The following DNAH3 variants were observed in gnomAD, a reference collection of about 807,000 sequenced individuals.
DNAH3 encodes the protein dynein axonemal heavy chain 3.
Under a neutral mutation model 432.5 loss-of-function variants are expected in DNAH3, and 332 were observed. That is an observed-to-expected ratio of 0.77 (90% CI 0.70 to 0.84). DNAH3 has a LOEUF of 0.84. Ranked by LOEUF, DNAH3 falls within the 40% of genes least tolerant of loss-of-function variation. The pLI, the probability that DNAH3 is intolerant of heterozygous loss-of-function variation, is 0.00. For missense variants in DNAH3, 4,861 were observed against 5,114.0 expected (o/e 0.95, Z 1.51); for synonymous variants, 1,956 against 1,900.2 (o/e 1.03, Z -0.76).
At chr16:21,128,414 G>C (rs905445284) in intron 7 of DNAH3, among the ~76,000 whole-genome samples, 1 of 133,814 alleles carries the variant, frequency 7.5e-6, no homozygotes, top group African/African-American at 2.9e-5. Context: ...AACAAAAAAG[G>C]CCGGGCGCGG....
chr16:20,965,229 G>A lies in DNAH3; in HGVS notation c.8655C>T (p.Cys2885=), dbSNP rs149030165. ...ACACCTCCATGGCCCTCACCCACTTGCACAGACCCTCGCAGGCCGACGATA... is the reference window on the plus strand; with the variant it reads ...ACACCTCCATGGCCCTCACCCACTTACACAGACCCTCGCAGGCCGACGATA... Residue 2885 remains cysteine, a synonymous_variant, in exon 53 of 62, where the codon TGC becomes TGT. Coordinates refer to ENST00000261383, the Ensembl canonical transcript of DNAH3. 287 of 1,613,522 alleles carry A rather than the reference G, an allele frequency of 1.8e-4. No individual in the cohort carries two copies. The highest frequency in any genetic ancestry group is 1.8e-4 in the Non-Finnish European group (215 of 1,179,724).
At chr16:20,982,978 A>C in intron 48 of DNAH3, 92 bp from the exon 49 acceptor site, 1 of 1,446,788 alleles carries the variant, frequency 6.9e-7, no homozygotes, top group South Asian at 1.2e-5. Flanking sequence ...TGGTGGGGTA[A>C]GTGGGGGCAG....
chr16:21,072,379 T>C (rs8049844), intron 21 of DNAH3, among the ~76,000 whole-genome samples: 1 of 151,946 alleles, frequency 6.6e-6, no homozygotes, highest in South Asian at 2.1e-4. Context: ...CAGGCTGGAG[T>C]GCAGTGGCAT....
intron 44 of DNAH3, among the ~76,000 whole-genome samples, chr16:20,994,108 A>G (rs1470568551): frequency 6.6e-6 from 1 of 151,814 alleles, no homozygotes; most frequent in Non-Finnish European, 1.5e-5. Flanking sequence ...TTTTCTCTCA[A>G]ATCCTTTTAA....
intron 58 of DNAH3, among the ~76,000 whole-genome samples, 200 bp downstream of exon 58, chr16:20,944,296 T>A (rs2083946238): frequency 6.6e-6 from 1 of 152,084 alleles, no homozygotes; most frequent in Admixed American, 6.5e-5. Context: ...ATAGCTGACA[T>A]TTTGGAAACA....
chr16:21,037,702 C>T (rs766755116), intron 34 of DNAH3, 59 bp downstream of exon 34: 5 of 1,492,702 alleles, frequency 3.3e-6, no homozygotes, highest in Non-Finnish European at 4.6e-6. Context: ...CCAAACACAA[C>T]ATTTCATCTT....
chr16:21,036,685 G>T lies in DNAH3; in HGVS notation c.5085+29C>A, dbSNP rs774535680. ...GCTGACTTCAGCAAACAGTAAAACA[G>T]GCACATTTATATGGGCTAAGGAACC... On this transcript the variant is annotated intron_variant, in intron 35 of 61. Transcript: ENST00000261383. 4 of 1,603,778 alleles carry T rather than the reference G, an allele frequency of 2.5e-6. No individual in the cohort carries two copies. The Admixed American group carries it at 6.9e-5, about 28-fold the overall frequency.
At chr16:20,959,055 A>G in intron 54 of DNAH3, 124 bp downstream of exon 54, 1 of 991,402 alleles carries the variant, frequency 1.0e-6, no homozygotes, top group Non-Finnish European at 1.5e-6. Context: ...GACATGAGCC[A>G]CCCTGCCTGG....
At chr16:20,963,889 G>A in exon 53 of DNAH3, 1 of 1,614,110 alleles carries the variant, frequency 6.2e-7, no homozygotes, top group Non-Finnish European at 8.5e-7. Context: ...GTGGGTCAAG[G>A]AATGCATGTA....
intron 1 of DNAH3, among the ~76,000 whole-genome samples, chr16:21,149,466 C>G (rs1567878783): frequency 6.6e-6 from 1 of 152,190 alleles, no homozygotes; most frequent in Non-Finnish European, 1.5e-5. Context: ...GTAGAACTGT[C>G]ACTTTGGGCA....
chr16:21,107,364 C>T (rs1052131247), intron 14 of DNAH3, among the ~76,000 whole-genome samples: 4 of 151,494 alleles, frequency 2.6e-5, no homozygotes, highest in East Asian at 1.9e-4. Context: ...CTCAGCCTCC[C>T]GAGTAGCTGG....
At chr16:20,989,910 C>T (rs1414859394) in intron 44 of DNAH3, among the ~76,000 whole-genome samples, 6 of 152,226 alleles carry the variant, frequency 3.9e-5, no homozygotes, top group African/African-American at 1.4e-4. Context: ...TGCCCGGGGC[C>T]GGCAGGGCCG....
At chr16:21,125,508 T>C in intron 8 of DNAH3, 138 bp from the exon 10 acceptor site, 1 of 563,802 alleles carries the variant, frequency 1.8e-6, no homozygotes, top group Non-Finnish European at 2.9e-6. Context: ...GTACTTTCAA[T>C]TTCCAGCCAC....
In DNAH3 at chr16:21,134,135, A is replaced by T. The variant is rs887299594; in HGVS notation, c.1082+124T>A. ...TAATTCACATGCATATTTGGCCTAG[A>T]TTTTTTTTTCTTTCATTTCTCTATG... On this transcript the variant is annotated intron_variant, in intron 7 of 61. Transcript: ENST00000261383. 1.1e-5 allele frequency: 11 copies of T among 980,762 alleles called. No homozygotes were observed. The African/African-American group carries it at 1.8e-4, about 16-fold the overall frequency. 60.8% of individuals were successfully genotyped at this position (980,762 alleles called of 1,614,324 possible).
intron 16 of DNAH3, chr16:21,104,127 G>C: frequency 4.6e-6 from 1 of 217,274 alleles, no homozygotes; most frequent in Non-Finnish European, 9.3e-6. Flanking sequence ...ATATCTTACA[G>C]ATCTGTGGTC....
chr16:21,124,947 C>T (rs1214944412), intron 9 of DNAH3, among the ~76,000 whole-genome samples: 1 of 149,966 alleles, frequency 6.7e-6, no homozygotes, highest in African/African-American at 2.5e-5. Flanking sequence ...GTAATGCACC[C>T]GGCCACATTT....
chr16:21,062,695 C>A lies in DNAH3; in HGVS notation c.3519-12G>T, dbSNP rs1373267739. On this transcript the variant is annotated splice_polypyrimidine_tract_variant and intron_variant, in intron 24 of 61. Transcript: ENST00000261383. ...ATAGGAAGAAGAATCTATTTCAAAG[C>A]AAAGAAAGATGGTAACTGGAACCTC... The A allele has an allele frequency of 1.2e-6, 2 of 1,604,568 alleles. No individual in the cohort carries two copies. Among genetic ancestry groups the A allele is most frequent in the East Asian group, 4.5e-5 (2 of 44,710 alleles).
chr16:21,152,898 G>A (rs994816170), intron 1 of DNAH3, among the ~76,000 whole-genome samples: 137 of 152,342 alleles, frequency 9.0e-4, no homozygotes, highest in Non-Finnish European at 1.6e-3. Context: ...GTGGGCTCCT[G>A]TGCTGCCCGA....
intron 35 of DNAH3, among the ~76,000 whole-genome samples, chr16:21,034,861 A>G (rs2089082943): frequency 6.6e-6 from 1 of 152,256 alleles, no homozygotes; most frequent in African/African-American, 2.4e-5. Context: ...TGGGTGCTGT[A>G]GACAGAGCAG....
Sources: allele counts gnomAD v4.1 joint callset (sites outside exome capture counted in the v4.1 genomes callset), GRCh38; gene constraint gnomAD v4.1.1; transcripts MANE v1.5; gene names NCBI Gene and HGNC (gene_info 2026-07-23, HGNC 2026-07-21).